Variants in SLC26A7 observed in about 807,000 individuals in gnomAD.
SLC26A7 encodes the protein solute carrier family 26 member 7.
SLC26A7 carries 59 observed loss-of-function variants against 82.5 expected under a neutral mutation model. That is an observed-to-expected ratio of 0.72 (90% CI 0.58 to 0.89). The LOEUF is 0.89. Ranked by LOEUF, SLC26A7 falls within the 40% of genes least tolerant of loss-of-function variation. The pLI, the probability that SLC26A7 is intolerant of heterozygous loss-of-function variation, is 0.00. For missense variants in SLC26A7, 820 were observed against 793.0 expected, an observed-to-expected ratio of 1.03 and a Z score of -0.41; for synonymous variants, 271 against 274.3, an observed-to-expected ratio of 0.99 and a Z score of 0.12.
chr8:91,300,171 T>A (rs1812124211), intron 4 of SLC26A7, among the ~76,000 whole-genome samples: 2 of 152,224 alleles, frequency 1.3e-5, no homozygotes, highest in African/African-American at 4.8e-5. Flanking sequence ...CAGAGTGTTT[T>A]AAAATTTTCC....
At chr8:91,275,113 A>C (rs1811372942) in intron 2 of SLC26A7, among the ~76,000 whole-genome samples, 1 of 152,150 alleles carries the variant, frequency 6.6e-6, no homozygotes. Context: ...GAAACAGAAA[A>C]AGAAAACAAA....
At chr8:91,221,425 A>AT (rs1284340050) in intron 2 of SLC26A7, among the ~76,000 whole-genome samples, 1 of 151,976 alleles carries the variant, frequency 6.6e-6, no homozygotes, top group East Asian at 1.9e-4. Context: ...AGCTTATGTC[A>AT]TTTTGTCATG....
chr8:91,254,297 C>T (rs890781041), intron 2 of SLC26A7, among the ~76,000 whole-genome samples: 1 of 152,062 alleles, frequency 6.6e-6, no homozygotes, highest in African/African-American at 2.4e-5. Flanking sequence ...TGCCACAGCA[C>T]CCACCATTCA....
intron 1 of SLC26A7, among the ~76,000 whole-genome samples, chr8:91,209,910 T>C (rs1809876167): frequency 6.6e-6 from 1 of 152,196 alleles, no homozygotes; most frequent in Admixed American, 6.5e-5. Flanking sequence ...TTTCAACATC[T>C]TTACTGAGTT....
chr8:91,234,791 C>CCCTT (rs1810363761), intron 2 of SLC26A7, among the ~76,000 whole-genome samples: 1 of 121,464 alleles, frequency 8.2e-6, no homozygotes, highest in Admixed American at 8.4e-5. Flanking sequence ...TTCCCTCCCT[C>CCCTT]CCTACCTACC....
chr8:91,294,027 A>G (rs1211334992), intron 3 of SLC26A7, among the ~76,000 whole-genome samples: 1 of 152,166 alleles, frequency 6.6e-6, no homozygotes. Flanking sequence ...GTATTTTGTG[A>G]TAAGGACAGT....
intron 5 of SLC26A7, among the ~76,000 whole-genome samples, chr8:91,324,918 C>A (rs1812893658): frequency 6.6e-6 from 1 of 152,146 alleles, no homozygotes; most frequent in African/African-American, 2.4e-5. Flanking sequence ...GAAAGAGCAG[C>A]AAATGCTAAT....
chr8:91,219,932 A>G (rs372773562), intron 2 of SLC26A7, among the ~76,000 whole-genome samples: 1 of 152,134 alleles, frequency 6.6e-6, no homozygotes, highest in Non-Finnish European at 1.5e-5. Flanking sequence ...CCAGAAATCT[A>G]TTTCTTCTTG....
chr8:91,267,900 C>G (rs1056908846), intron 2 of SLC26A7, among the ~76,000 whole-genome samples: 1 of 151,750 alleles, frequency 6.6e-6, no homozygotes, highest in Non-Finnish European at 1.5e-5. Context: ...AAACTTCTCT[C>G]TTAGAACTGC....
At chr8:91,293,987 A>G (rs1053577419) in intron 3 of SLC26A7, among the ~76,000 whole-genome samples, 39 of 152,350 alleles carry the variant, frequency 2.6e-4, no homozygotes, top group African/African-American at 8.7e-4. Flanking sequence ...CAGTTATATT[A>G]CATTAGTTTC....
Position 91,318,301 on chromosome 8 carries a change from C to T in SLC26A7, c.563C>T (p.Thr188Ile), listed in dbSNP as rs765684058. ...AGCGCAATGACAACTGGGGCTGCCA[C>T]CCATGTGGTGACTTCACAAGTCAAA... ...VISAMTTGAA[T>I]HVVTSQVKYL... Residue 188 changes from threonine to isoleucine, a missense_variant, in exon 5 of 19, where the codon ACC becomes ATC. Transcript: ENST00000276609. 1 of 1,612,078 alleles carries T rather than the reference C, an allele frequency of 6.2e-7. No individual in the cohort carries two copies. The highest frequency in any genetic ancestry group is 1.1e-5 in the South Asian group (1 of 90,812).
chr8:91,308,248 TGTG>T (rs1304507245), intron 4 of SLC26A7, among the ~76,000 whole-genome samples: 2 of 117,072 alleles, frequency 1.7e-5, no homozygotes, highest in African/African-American at 3.3e-5. Flanking sequence ...GAGGAAGAGG[TGTG>T]TGTGTGTGTG....
At chr8:91,332,628 AG>A (rs746616666) in intron 5 of SLC26A7, among the ~76,000 whole-genome samples, 1 of 151,000 alleles carries the variant, frequency 6.6e-6, no homozygotes, top group African/African-American at 2.4e-5. Flanking sequence ...CCTGGGCTTA[AG>A]GGATTCCCCA....
In SLC26A7 at chr8:91,318,189, C is replaced by T. The variant is rs76902869; in HGVS notation, c.478-27C>T. On this transcript the variant is annotated intron_variant, in intron 4 of 18. Coordinates refer to ENST00000276609, the MANE Select transcript of SLC26A7 (RefSeq NM_052832.4). ...ACTTTGGGGAGTTTCATCTGAAGTT[C>T]ATCTCACTTCTCCCTTCTCCTCTTA... 3.0e-5 allele frequency: 47 copies of T among 1,559,960 alleles called. No individual in the cohort carries two copies. The Middle Eastern group carries it at 1.4e-3, about 46-fold the overall frequency.
chr8:91,367,950 C>A (rs1466790677), intron 14 of SLC26A7, among the ~76,000 whole-genome samples: 11 of 152,146 alleles, frequency 7.2e-5, no homozygotes, highest in Non-Finnish European at 1.2e-4. Context: ...GGGCCTTACC[C>A]TAATTTGTAC....
rs1437747297 is a variant in SLC26A7 at position 91,338,176 on chromosome 8, T to C, written c.822T>C (p.Tyr274=). The change falls in exon 7 of 19, where the codon TAT becomes TAC. Residue 274 remains tyrosine, a synonymous_variant. Transcript: ENST00000276609. ...VLIIAASFAC[Y]CTNMENTYGL... ...TTATTGCTGCATCATTTGCTTGTTA[T>C]TGCACCAATATGGAAAACACATATG... 6.2e-7 allele frequency: 1 copy of C among 1,611,194 alleles called. No homozygotes were observed. Among genetic ancestry groups the C allele is most frequent in the Middle Eastern group, 1.7e-4 (1 of 6,044 alleles).
At chr8:91,284,611 C>G (rs1255070591) in intron 2 of SLC26A7, among the ~76,000 whole-genome samples, 2 of 152,134 alleles carry the variant, frequency 1.3e-5, no homozygotes, top group Non-Finnish European at 1.5e-5. Flanking sequence ...ATCCTGCTAA[C>G]ACAATTTCTA....
chr8:91,392,426 G>A lies in SLC26A7; in HGVS notation c.1777-1371G>A, dbSNP rs78193741. Among the ~76,000 whole-genome samples the A allele has an allele frequency of 4.9e-3, 745 of 152,192 alleles. 10 individuals are homozygous for A. The highest frequency in any genetic ancestry group is 0.016 in the African/African-American group (684 of 41,520). ...AGTTGTTGTGAGGCTTAAAAATGAT[G>A]TATTGCATATAAAACACCTAAGAAA... On this transcript the variant is annotated intron_variant, in intron 16 of 18. Transcript: ENST00000276609.
chr8:91,292,291 G>A (rs541471203), intron 3 of SLC26A7, among the ~76,000 whole-genome samples: 18 of 150,198 alleles, frequency 1.2e-4, no homozygotes, highest in Admixed American at 7.3e-4. Flanking sequence ...GGGCGAGAGT[G>A]CGAGACTCTG....
Sources: allele counts gnomAD v4.1 joint callset (sites outside exome capture counted in the v4.1 genomes callset), GRCh38; gene constraint gnomAD v4.1.1; transcripts MANE v1.5; gene names NCBI Gene and HGNC (gene_info 2026-07-23, HGNC 2026-07-21).